The following ADGRL4 variants were observed in gnomAD, a reference collection of about 807,000 sequenced individuals.
ADGRL4 encodes the protein adhesion G protein-coupled receptor L4.
In ADGRL4, 90 loss-of-function variants were observed where a neutral mutation model predicts 74.8. The ratio of observed to expected loss-of-function variants is 1.20; its 90% confidence interval spans 1.02 to 1.43. The LOEUF (loss-of-function observed/expected upper bound fraction) is 1.43. ADGRL4 is among the 40% of genes most tolerant of loss of function. ADGRL4 has a pLI of 0.00. For missense variants in ADGRL4, 881 were observed against 814.3 expected (o/e 1.08, Z -1.00); for synonymous variants, 311 against 279.2 (o/e 1.11, Z -1.14).
At chr1:78,997,517 A>C (rs1015938216) in intron 2 of ADGRL4, among the ~76,000 whole-genome samples, 1 of 152,224 alleles carries the variant, frequency 6.6e-6, no homozygotes, top group Admixed American at 6.5e-5. Context: ...GTTATATCAA[A>C]GTAATAAGTT....
intron 8 of ADGRL4, among the ~76,000 whole-genome samples, chr1:78,924,561 G>A (rs377265210): frequency 6.6e-6 from 1 of 151,998 alleles, no homozygotes; most frequent in Non-Finnish European, 1.5e-5. Flanking sequence ...AGGCTACAGA[G>A]CCTTGGAAAG....
At chr1:78,915,788 A>G (rs1648857859) in intron 12 of ADGRL4, among the ~76,000 whole-genome samples, 1 of 151,958 alleles carries the variant, frequency 6.6e-6, no homozygotes, top group Admixed American at 6.6e-5. Context: ...ATTGTGTTAT[A>G]TAGCTGAATA....
At position 78,974,399 on chromosome 1, in the gene ADGRL4, A is replaced by G. The variant is rs186244984; in HGVS notation, c.173-27973T>C. On this transcript the variant is annotated intron_variant, in intron 2 of 14. Transcript: ENST00000370742. ...TGATTTTATAATATCTCTTTTAAAA[A>G]TGTGGCTCCAAAACCCTAAGAGATT... Among the ~76,000 whole-genome samples the G allele has an allele frequency of 5.8e-4, 89 of 152,282 alleles. 1 individual carries two copies. The highest frequency in any genetic ancestry group is 2.0e-3 in the African/African-American group (82 of 41,574).
chr1:78,929,739 C>T (rs2352613), intron 7 of ADGRL4, among the ~76,000 whole-genome samples: 91,466 of 151,122 alleles, frequency 0.61, 28,469 homozygotes, highest in East Asian at 0.7. Context: ...CTCTCCTTTA[C>T]TGACAGCTAA....
At chr1:78,897,474 C>G (rs1390149956) in intron 12 of ADGRL4, among the ~76,000 whole-genome samples, 1 of 152,098 alleles carries the variant, frequency 6.6e-6, no homozygotes, top group African/African-American at 2.4e-5. Context: ...GTTGTCTCTT[C>G]TCAGTAATTA....
intron 3 of ADGRL4, among the ~76,000 whole-genome samples, chr1:78,945,208 C>A (rs1649573589): frequency 6.8e-6 from 1 of 147,178 alleles, no homozygotes; most frequent in African/African-American, 2.5e-5. Flanking sequence ...CTCAATAGGG[C>A]ACTAATCAAA....
chr1:78,903,422 C>T (rs1648559664), intron 12 of ADGRL4, among the ~76,000 whole-genome samples: 1 of 152,064 alleles, frequency 6.6e-6, no homozygotes, highest in South Asian at 2.1e-4. Context: ...GCTGCAAGTT[C>T]ATGTAAAAAG....
At position 78,989,935 on chromosome 1, in the gene ADGRL4, C is replaced by A. The variant is rs1389696068; in HGVS notation, c.172+15135G>T. ...TAGATGCCAGGACCAGGGTTTGATT[C>A]CAGGGATGCCTTCTTTAGAAAGTCT... is the stretch of plus-strand genomic sequence containing the variant. On this transcript the variant is annotated intron_variant, in intron 2 of 14. Transcript: ENST00000370742. 1.3e-5 allele frequency among the ~76,000 whole-genome samples: 2 copies of A among 151,820 alleles called. 1 individual carries two copies. Among genetic ancestry groups the A allele is most frequent in the South Asian group, 4.1e-4 (2 of 4,826 alleles).
chr1:78,984,085 A>C (rs1316128927), intron 2 of ADGRL4, among the ~76,000 whole-genome samples: 1 of 151,818 alleles, frequency 6.6e-6, no homozygotes, highest in Non-Finnish European at 1.5e-5. Flanking sequence ...TAAGCAGTAC[A>C]TTAAGAGACA....
intron 12 of ADGRL4, among the ~76,000 whole-genome samples, chr1:78,911,898 G>T (rs1202668237): frequency 6.6e-6 from 1 of 151,798 alleles, no homozygotes; most frequent in Non-Finnish European, 1.5e-5. Flanking sequence ...CCCAAGGCTA[G>T]GCGTAGAAAA....
At chr1:79,003,696 T>A (rs1438745290) in intron 2 of ADGRL4, among the ~76,000 whole-genome samples, 1 of 152,002 alleles carries the variant, frequency 6.6e-6, no homozygotes, top group African/African-American at 2.4e-5. Context: ...ATGCTAAGCA[T>A]GGCAATTGAA....
intron 2 of ADGRL4, among the ~76,000 whole-genome samples, chr1:78,977,375 AT>A (rs1175600953): frequency 1.3e-5 from 2 of 151,848 alleles, no homozygotes; most frequent in African/African-American, 4.8e-5. Flanking sequence ...TGTTCTGTAT[AT>A]TAATTGTGGT....
intron 2 of ADGRL4, among the ~76,000 whole-genome samples, chr1:78,993,572 A>ATT (rs201803350): frequency 1.2e-5 from 1 of 84,056 alleles, no homozygotes; most frequent in Non-Finnish European, 2.6e-5. Flanking sequence ...CAAAAATTCC[A>ATT]TTTTTTTTTT....
At chr1:78,968,308 C>T (rs1650096737) in intron 2 of ADGRL4, among the ~76,000 whole-genome samples, 1 of 151,882 alleles carries the variant, frequency 6.6e-6, no homozygotes, top group South Asian at 2.1e-4. Context: ...TCTTGGAAGG[C>T]CAGAGGGTTT....
chr1:78,963,515 T>C (rs887344429), intron 2 of ADGRL4, among the ~76,000 whole-genome samples: 1 of 152,204 alleles, frequency 6.6e-6, no homozygotes, highest in South Asian at 2.1e-4. Flanking sequence ...TAATTGGATG[T>C]GTATATTTGA....
Position 78,926,956 on chromosome 1 carries a change from A to C in ADGRL4, c.1013T>G (p.Val338Gly). 1 of 1,612,264 alleles carries C rather than the reference A, an allele frequency of 6.2e-7. No individual in the cohort carries two copies. The highest frequency in any genetic ancestry group is 8.5e-7 in the Non-Finnish European group (1 of 1,178,882). The change falls in exon 8 of 15, where the codon GTC (valine) becomes GGC (glycine). Residue 338 changes from valine (V) to glycine (G), a missense_variant. Transcript: ENST00000370742. ...EERVISSVISVSMSSNPPTLY... is the reference protein window; with the variant it reads ...EERVISSVISGSMSSNPPTLY... ...TGTGGGTGGGTTTGAGCTCATTGAGACTGAAATTACTGAAGATATGACTCT... is the reference window on the plus strand; with the variant it reads ...TGTGGGTGGGTTTGAGCTCATTGAGCCTGAAATTACTGAAGATATGACTCT...
intron 2 of ADGRL4, among the ~76,000 whole-genome samples, chr1:78,965,126 C>T (rs141465161): frequency 6.6e-6 from 1 of 152,068 alleles, no homozygotes; most frequent in Admixed American, 6.6e-5. Context: ...TTATAATTAT[C>T]TAGTCCAGAG....
intron 10 of ADGRL4, among the ~76,000 whole-genome samples, chr1:78,918,764 A>T (rs911539180): frequency 1.3e-5 from 2 of 151,900 alleles, no homozygotes; most frequent in Non-Finnish European, 2.9e-5. Flanking sequence ...CTATCCCATT[A>T]AAAAAACAGA....
intron 7 of ADGRL4, 83 bp from the exon 8 acceptor site, chr1:78,927,174 TAGAC>T: frequency 2.3e-6 from 2 of 884,990 alleles, no homozygotes; most frequent in East Asian, 2.6e-5. Context: ...AAAAATTGAA[TAGAC>T]AAACATTTTA....
Sources: gnomAD v4.1 joint callset for allele counts (sites outside exome capture counted in the v4.1 genomes callset) on GRCh38, gnomAD v4.1.1 for gene constraint, MANE v1.5 for transcripts, NCBI Gene and HGNC (gene_info 2026-07-23, HGNC 2026-07-21) for gene names.